Variants in USP4 observed in about 807,000 individuals in gnomAD.
USP4 encodes ubiquitin carboxyl-terminal hydrolase 4.
Under a neutral mutation model 118.2 loss-of-function variants are expected in USP4, and 72 were observed. That is an observed-to-expected ratio of 0.61 (90% confidence interval 0.50 to 0.74). The LOEUF is 0.74. Ranked by LOEUF, USP4 falls within the 30% of genes least tolerant of loss-of-function variation. USP4 has a pLI of 0.00. For synonymous variants in USP4, 415 were observed against 440.4 expected (o/e 0.94, Z 0.72); for missense variants, 1,037 against 1,185.7 (o/e 0.87, Z 1.84).
chr3:49,277,252 C>G lies in USP4; in HGVS notation c.*1041G>C. 1 of 1,302,920 alleles carries G rather than the reference C, an allele frequency of 7.7e-7. No individual in the cohort carries two copies. Among genetic ancestry groups the G allele is most frequent in the Non-Finnish European group, 1.0e-6 (1 of 997,602 alleles). 80.7% of individuals were successfully genotyped at this position (1,302,920 alleles called of 1,614,324 possible). On this transcript the variant is annotated 3_prime_UTR_variant, in exon 22 of 22. Coordinates refer to ENST00000265560, the MANE Select transcript of USP4 (RefSeq NM_003363.4). ...GCGCGTGCCCCGCGCAGGCCCCAAA[C>G]CCCCACGGATTAGGTTGAAGGTCAG...
intron 9 of USP4, 49 bp downstream of exon 9, chr3:49,305,666 G>C: frequency 7.1e-7 from 1 of 1,416,678 alleles, no homozygotes; most frequent in South Asian, 1.7e-5. Context: ...CTGGTCCCAG[G>C]CATCTATATA....
chr3:49,327,798 A>G lies in USP4; in HGVS notation c.248T>C (p.Leu83Ser). 6.2e-7 allele frequency: 1 copy of G among 1,613,820 alleles called. No homozygotes were observed. The change falls in exon 3 of 22, where the codon TTG becomes TCG. Residue 83 changes from leucine (L) to serine (S), a missense_variant. By Grantham distance (145) the Leu-to-Ser change is moderately radical. Around this residue, in one of 3 missense-constraint regions of USP4, gnomAD observed 487 missense variants for 534.1 expected, o/e 0.91. Coordinates refer to ENST00000265560, the MANE Select transcript of USP4 (RefSeq NM_003363.4). ...GLFSDPESQT[L>S]KEHLIDELDY... ...CAATTCATCAATTAAGTGTTCTTTCAAGGTCTGACTCTCAGGATCTAAAAA... is the reference window on the plus strand; with the variant it reads ...CAATTCATCAATTAAGTGTTCTTTCGAGGTCTGACTCTCAGGATCTAAAAA...
chr3:49,322,168 A>AT (rs750905054), intron 6 of USP4, among the ~76,000 whole-genome samples: 11 of 152,142 alleles, frequency 7.2e-5, no homozygotes, highest in African/African-American at 2.2e-4. Context: ...CTGACCATGA[A>AT]TCCCCAAGGT....
intron 6 of USP4, among the ~76,000 whole-genome samples, chr3:49,320,447 AAAAAAG>A (rs71077787): frequency 6.6e-6 from 1 of 150,526 alleles, no homozygotes; most frequent in Admixed American, 6.6e-5. Context: ...CATCTCAAAC[AAAAAAG>A]AAAAAGAAAA....
At chr3:49,303,994 C>G (rs2047287644) in intron 9 of USP4, among the ~76,000 whole-genome samples, 2 of 152,062 alleles carry the variant, frequency 1.3e-5, no homozygotes, top group African/African-American at 4.8e-5. Flanking sequence ...CTCAAGTGAT[C>G]CACCCACCTT....
At chr3:49,312,293 G>A (rs1218587712) in intron 6 of USP4, 13 of 321,858 alleles carry the variant, frequency 4.0e-5, no homozygotes, top group Non-Finnish European at 7.5e-5. Context: ...CATGAGGTCA[G>A]GAGTTCAAGA....
chr3:49,320,772 C>T (rs1045192091), intron 6 of USP4, among the ~76,000 whole-genome samples: 8 of 152,134 alleles, frequency 5.3e-5, no homozygotes, highest in Admixed American at 2.0e-4. Context: ...CATGTTCTAA[C>T]ATGCTTTCTA....
At chr3:49,284,401 G>A in intron 18 of USP4, 65 bp downstream of exon 18, 1 of 1,306,732 alleles carries the variant, frequency 7.7e-7, no homozygotes, top group Non-Finnish European at 1.1e-6. Flanking sequence ...GTGCACAGAT[G>A]GCCCTAGCAG....
intron 16 of USP4, 109 bp from the exon 17 acceptor site, chr3:49,285,028 C>T: frequency 1.3e-6 from 1 of 774,570 alleles, no homozygotes; most frequent in Non-Finnish European, 2.1e-6. Context: ...TCAACACCTT[C>T]TCCCCCATCA....
intron 2 of USP4, among the ~76,000 whole-genome samples, chr3:49,330,171 A>AAAACAAACAAACAAAC (rs112008342): frequency 3.4e-5 from 5 of 148,442 alleles, no homozygotes; most frequent in East Asian, 2.0e-4. Flanking sequence ...ACTCTGTCTC[A>AAAACAAACAAACAAAC]AAACAAACAA....
chr3:49,291,314 C>T lies in USP4; in HGVS notation c.1972+1196G>A, dbSNP rs2047148746. Among the ~76,000 whole-genome samples the T allele has an allele frequency of 1.3e-5, 2 of 149,310 alleles. 1 individual carries two copies. The highest frequency in any genetic ancestry group is 4.2e-4 in the South Asian group (2 of 4,744). On this transcript the variant is annotated intron_variant, in intron 15 of 21. Coordinates refer to ENST00000265560, the MANE Select transcript of USP4 (RefSeq NM_003363.4). ...AAAAAAAGCTGGGCACAGTGGCTCACACCTGTAATCCCAGCATTTTGGGAG... is the reference window on the plus strand; with the variant it reads ...AAAAAAAGCTGGGCACAGTGGCTCATACCTGTAATCCCAGCATTTTGGGAG...
Position 49,295,714 on chromosome 3 carries a change from G to GCGCGCGCACACACACACACACACACA in USP4, c.1692-1117_1692-1116insTGTGTGTGTGTGTGTGTGTGCGCGCG, listed in dbSNP as rs149459963. Among the ~76,000 whole-genome samples, 249 of 148,314 alleles carry GCGCGCGCACACACACACACACACACA rather than the reference G, an allele frequency of 1.7e-3. 3 individuals carry two copies. The highest frequency in any genetic ancestry group is 6.3e-3 in the African/African-American group (240 of 38,376). The stretch of plus-strand genomic sequence containing the variant: ...CATATGCACGTGTGCGCGCGCGCGC[G>GCGCGCGCACACACACACACACACACA]CACACACACACACACACACACCCCC... On this transcript the variant is annotated intron_variant, in intron 13 of 21. Coordinates refer to ENST00000265560, the MANE Select transcript of USP4 (RefSeq NM_003363.4).
At chr3:49,282,229 T>G (rs753342462) in intron 19 of USP4, among the ~76,000 whole-genome samples, 1 of 151,914 alleles carries the variant, frequency 6.6e-6, no homozygotes, top group Non-Finnish European at 1.5e-5. Flanking sequence ...AAAGCTTTCT[T>G]CCTCCAATAT....
chr3:49,338,702 CA>C (rs34344204), intron 1 of USP4, among the ~76,000 whole-genome samples: 3 of 148,830 alleles, frequency 2.0e-5, no homozygotes, highest in African/African-American at 7.4e-5. Context: ...AAAGAAAACA[CA>C]AAAAAAGTAC....
intron 13 of USP4, among the ~76,000 whole-genome samples, chr3:49,297,245 G>T (rs929962563): frequency 1.3e-5 from 2 of 152,130 alleles, no homozygotes; most frequent in Non-Finnish European, 2.9e-5. Context: ...GGGAGCAGCC[G>T]GCAAGTTATT....
intron 2 of USP4, among the ~76,000 whole-genome samples, chr3:49,330,156 G>C (rs1196331055): frequency 7.0e-6 from 1 of 143,098 alleles, no homozygotes; most frequent in Non-Finnish European, 1.5e-5. Context: ...GGGCAACAGA[G>C]TGAGACTCTG....
rs917773274 is a variant in USP4, at chr3:49,302,394, C to T, written c.1277G>A (p.Arg426Gln). ...TCATTAATGGCATACCGCATCTGGCCGCCCATTGGCATCCTTCAGCTCCAA... is the reference window on the plus strand; with the variant it reads ...TCATTAATGGCATACCGCATCTGGCTGCCCATTGGCATCCTTCAGCTCCAA... ...PYLELKDANGRPDAVVAKEAW... is the reference protein window; with the variant it reads ...PYLELKDANGQPDAVVAKEAW... The change falls in exon 10 of 22, where the codon CGG (arginine) becomes CAG (glutamine). Residue 426 changes from arginine (R) to glutamine (Q), a missense_variant. Arg to Gln is a conservative substitution (Grantham distance 43). Transcript: ENST00000265560. The T allele has an allele frequency of 7.4e-6, 12 of 1,613,144 alleles. No homozygotes were observed. Among genetic ancestry groups the T allele is most frequent in the African/African-American group, 4.0e-5 (3 of 74,826 alleles).
chr3:49,324,304 C>T (rs975092040), intron 6 of USP4, among the ~76,000 whole-genome samples: 4 of 152,276 alleles, frequency 2.6e-5, no homozygotes, highest in African/African-American at 9.6e-5. Context: ...CAGGCCTCAA[C>T]TATCACTTTT....
intron 8 of USP4, 70 bp downstream of exon 8, chr3:49,310,550 T>A (rs1559473295): frequency 1.5e-6 from 2 of 1,338,814 alleles, no homozygotes; most frequent in Admixed American, 1.7e-5. Context: ...ATCCACCCAG[T>A]ACCTTTGCAG....
Sources: gnomAD v4.1 joint callset for allele counts (sites outside exome capture counted in the v4.1 genomes callset) on GRCh38, gnomAD v4.1.1 for gene constraint, gnomAD v4.1.1 regional missense constraint, MANE v1.5 for transcripts, NCBI Gene and HGNC (gene_info 2026-07-23, HGNC 2026-07-21) for gene names.